The following TASP1 variants were observed in gnomAD, a reference collection of about 807,000 sequenced individuals.
The protein encoded by TASP1 is threonine aspartase 1.
Under a neutral mutation model 56.6 loss-of-function variants are expected in TASP1, and 16 were observed. That is an observed-to-expected ratio of 0.28 (90% confidence interval 0.19 to 0.43). The LOEUF (loss-of-function observed/expected upper bound fraction) is 0.43, where lower values mean the gene tolerates loss of function less well. Among genes scored for constraint, TASP1 ranks in the 20% least tolerant of loss-of-function variants. The pLI is 1.00. For missense variants in TASP1, 393 were observed against 511.6 expected (o/e 0.77, Z 2.24); for synonymous variants, 179 against 184.2 (o/e 0.97, Z 0.23).
chr20:13,620,269 C>CACACACAT (rs1302917562), intron 4 of TASP1, among the ~76,000 whole-genome samples: 9 of 137,580 alleles, frequency 6.5e-5, no homozygotes, highest in Non-Finnish European at 1.5e-4. Context: ...GGTATTTACA[C>CACACACAT]ACACACACAC....
At chr20:13,615,132 T>TA (rs1460713746) in intron 4 of TASP1, among the ~76,000 whole-genome samples, 2 of 152,158 alleles carry the variant, frequency 1.3e-5, no homozygotes, top group African/African-American at 4.8e-5. Context: ...CTTTTTTTAA[T>TA]AAAAAGACTT....
At chr20:13,350,214 C>A in the TASP1 span, among the ~76,000 whole-genome samples, 32,630 of 151,778 alleles carry the variant, frequency 0.21, 4,337 homozygotes, top group African/African-American at 0.38. Flanking sequence ...AATAAAAACT[C>A]CAAAAACTAA....
At chr20:13,504,080 A>G (rs898259392) in intron 10 of TASP1, among the ~76,000 whole-genome samples, 8 of 152,134 alleles carry the variant, frequency 5.3e-5, no homozygotes, top group African/African-American at 1.9e-4. Flanking sequence ...GGAGAGATAT[A>G]GGCATCCAAA....
At chr20:13,370,004 G>A in the TASP1 span, among the ~76,000 whole-genome samples, 185 of 152,282 alleles carry the variant, frequency 1.2e-3, no homozygotes, top group Non-Finnish European at 2.0e-3. Flanking sequence ...CAGTACGGTG[G>A]TGAGTTCTGT....
the TASP1 span, among the ~76,000 whole-genome samples, chr20:13,151,605 T>C: frequency 6.6e-6 from 1 of 152,230 alleles, no homozygotes; most frequent in Non-Finnish European, 1.5e-5. Context: ...TCCTCCTCCT[T>C]GGTCTGTGTT....
At chr20:13,355,784 A>G in the TASP1 span, among the ~76,000 whole-genome samples, 1 of 152,070 alleles carries the variant, frequency 6.6e-6, no homozygotes, top group African/African-American at 2.4e-5. Flanking sequence ...ATGGTGGGGG[A>G]ATGACAACTT....
At chr20:13,473,788 A>G (rs2044613041) in intron 11 of TASP1, among the ~76,000 whole-genome samples, 1 of 152,150 alleles carries the variant, frequency 6.6e-6, no homozygotes, top group African/African-American at 2.4e-5. Context: ...GAGTTTAACT[A>G]TGGGCCAGGC....
At chr20:13,191,506 G>A in the TASP1 span, among the ~76,000 whole-genome samples, 4 of 152,152 alleles carry the variant, frequency 2.6e-5, no homozygotes, top group Non-Finnish European at 5.9e-5. Context: ...CAAATACTGC[G>A]TGTTCTCATT....
chr20:13,283,723 T>A, the TASP1 span, among the ~76,000 whole-genome samples: 1 of 152,252 alleles, frequency 6.6e-6, no homozygotes, highest in South Asian at 2.1e-4. Flanking sequence ...AACAGTAGTA[T>A]ACCATTTCCA....
chr20:13,344,182 C>T, the TASP1 span, among the ~76,000 whole-genome samples: 50 of 151,948 alleles, frequency 3.3e-4, no homozygotes, highest in Admixed American at 3.1e-3. Flanking sequence ...GAAGCATGAC[C>T]TCTAGACGGC....
intron 10 of TASP1, among the ~76,000 whole-genome samples, chr20:13,503,280 C>A (rs1048086320): frequency 3.9e-5 from 6 of 152,076 alleles, no homozygotes; most frequent in African/African-American, 1.4e-4. Flanking sequence ...CAGGCCAACT[C>A]CCCAAGCATG....
the TASP1 span, chr20:13,292,232 C>T: frequency 9.8e-6 from 6 of 612,468 alleles, no homozygotes; most frequent in Middle Eastern, 5.4e-4. Context: ...TTACTGTTTC[C>T]TCTGTTGGCA....
At chr20:13,304,587 T>C in the TASP1 span, among the ~76,000 whole-genome samples, 29 of 152,278 alleles carry the variant, frequency 1.9e-4, no homozygotes, top group East Asian at 2.5e-3. Flanking sequence ...GCTTTTTCCA[T>C]CATCGTGGAG....
chr20:13,366,960 G>T, the TASP1 span, among the ~76,000 whole-genome samples: 1 of 152,136 alleles, frequency 6.6e-6, no homozygotes, highest in Non-Finnish European at 1.5e-5. Context: ...TTTAGGAGTG[G>T]AAGTACCAAA....
the TASP1 span, among the ~76,000 whole-genome samples, chr20:13,281,898 A>T: frequency 2.0e-4 from 30 of 152,194 alleles, no homozygotes; most frequent in Non-Finnish European, 3.7e-4. Flanking sequence ...AAAAATGCCA[A>T]TTCTGGGCTG....
At chr20:13,316,713 A>C in the TASP1 span, among the ~76,000 whole-genome samples, 1 of 151,886 alleles carries the variant, frequency 6.6e-6, no homozygotes, top group Non-Finnish European at 1.5e-5. Flanking sequence ...CAGAAAAATC[A>C]TCTGACAAAA....
At chr20:13,354,442 T>C in the TASP1 span, among the ~76,000 whole-genome samples, 106 of 152,266 alleles carry the variant, frequency 7.0e-4, 1 homozygote, top group Non-Finnish European at 1.1e-3. Flanking sequence ...GGATTGGAAA[T>C]GAGATTTCCA....
the TASP1 span, among the ~76,000 whole-genome samples, chr20:13,144,938 C>A: frequency 5.3e-5 from 8 of 152,250 alleles, no homozygotes; most frequent in Non-Finnish European, 1.2e-4. Flanking sequence ...CCACGCCCAG[C>A]TAATTTTTTT....
the TASP1 span, chr20:13,117,658 T>C: frequency 5.0e-6 from 8 of 1,613,928 alleles, no homozygotes; most frequent in Middle Eastern, 1.6e-4. Flanking sequence ...CCTCATGAAG[T>C]TGATGTGCTC....
Sources: allele counts gnomAD v4.1 joint callset (sites outside exome capture counted in the v4.1 genomes callset), GRCh38; gene constraint gnomAD v4.1.1; transcripts MANE v1.5; gene names NCBI Gene and HGNC (gene_info 2026-07-23, HGNC 2026-07-21).